APBA1: variants seen among roughly 807,000 people sequenced by gnomAD.
APBA1 encodes amyloid beta precursor protein binding family A member 1, also known as amyloid-beta A4 precursor protein-binding family A member 1.
Under a neutral mutation model 86.6 loss-of-function variants are expected in APBA1, and 55 were observed. The observed-to-expected ratio is 0.64, with a 90% CI of 0.51 to 0.80. APBA1 has a LOEUF of 0.80. APBA1 is among the 30% of genes least tolerant of loss of function. APBA1 has a pLI of 0.00. For synonymous variants in APBA1, 511 were observed against 493.9 expected (o/e 1.03, Z -0.46); for missense variants, 1,090 against 1,183.0 (o/e 0.92, Z 1.15).
In APBA1 at chr9:69,558,617, G is replaced by T. The variant is rs116107946; in HGVS notation, c.-69-41338C>A. On this transcript the variant is annotated intron_variant, in intron 1 of 12. Transcript: ENST00000265381. ...TGTATAACTTTTATTTTAGGTTCAG[G>T]GGTACATGTGCAGGTTTGTTATGCA... Among the ~76,000 whole-genome samples the T allele has an allele frequency of 4.4e-3, 661 of 151,068 alleles. 3 individuals carry two copies. The highest frequency in any genetic ancestry group is 0.015 in the African/African-American group (618 of 41,156).
intron 1 of APBA1, among the ~76,000 whole-genome samples, chr9:69,654,552 G>A (rs1398984252): frequency 3.3e-5 from 5 of 152,104 alleles, no homozygotes; most frequent in Admixed American, 3.3e-4. Flanking sequence ...TGAGATTGAA[G>A]CAGTAATAAA....
At chr9:69,532,880 A>G (rs1836454597) in intron 1 of APBA1, among the ~76,000 whole-genome samples, 1 of 152,226 alleles carries the variant, frequency 6.6e-6, no homozygotes, top group Non-Finnish European at 1.5e-5. Flanking sequence ...GAAAGTATCC[A>G]TCAAAATTAC....
intron 10 of APBA1, among the ~76,000 whole-genome samples, chr9:69,444,927 C>T (rs1834883516): frequency 6.6e-6 from 1 of 152,158 alleles, no homozygotes; most frequent in Non-Finnish European, 1.5e-5. Context: ...AGTCCCTTCA[C>T]CCTTTTCTCT....
At chr9:69,630,354 C>T (rs947536841) in intron 1 of APBA1, among the ~76,000 whole-genome samples, 38 of 152,064 alleles carry the variant, frequency 2.5e-4, no homozygotes, top group Non-Finnish European at 4.7e-4. Flanking sequence ...CTAATTGCTC[C>T]CCCTCTCTGC....
chr9:69,429,347 G>A lies in APBA1; in HGVS notation c.*1980C>T, dbSNP rs1347630740. ...CTTCCTGGTCCTCACGTTTGTGATG[G>A]GTTGACCTTGAGGCTGGTCTCCCAG... On this transcript the variant is annotated 3_prime_UTR_variant, in exon 13 of 13. Transcript: ENST00000265381. The A allele has an allele frequency of 6.6e-6, 1 of 152,256 alleles. No homozygotes were observed. The highest frequency in any genetic ancestry group is 1.5e-5 in the Non-Finnish European group (1 of 68,078). The allele number at this position is 152,256 out of a possible 1,614,324, so 9.4% of individuals were successfully genotyped here. A position where few individuals can be genotyped will look rare whatever the true frequency, so the allele number is the denominator to read the frequency against.
At chr9:69,432,180 CTAAGACT>C in intron 12 of APBA1, among the ~76,000 whole-genome samples, 1 of 152,306 alleles carries the variant, frequency 6.6e-6, no homozygotes, top group African/African-American at 2.4e-5. Flanking sequence ...CAACTTGAGT[CTAAGACT>C]TAAATCTTTT....
In APBA1 at chr9:69,517,612, C is replaced by T. The variant is rs575676943; in HGVS notation, c.-69-333G>A. On this transcript the variant is annotated intron_variant, in intron 1 of 12. Coordinates refer to ENST00000265381, the MANE Select transcript of APBA1 (RefSeq NM_001163.4). The stretch of plus-strand genomic sequence containing the variant: ...AAGAGTACTACTAAATTGAATGGGC[C>T]AACTGACACATTTTCCATCTGCTAA... 2.0e-5 allele frequency among the ~76,000 whole-genome samples: 3 copies of T among 152,298 alleles called. No homozygotes were observed. In the East Asian group the frequency reaches 5.8e-4, roughly 29 times the overall value.
intron 5 of APBA1, among the ~76,000 whole-genome samples, chr9:69,460,067 A>G (rs1342919006): frequency 1.3e-5 from 2 of 152,186 alleles, no homozygotes; most frequent in Admixed American, 6.6e-5. Context: ...CTGGTAGAAA[A>G]GCTCCTCTGC....
At chr9:69,515,673 C>T (rs1836124041) in intron 2 of APBA1, among the ~76,000 whole-genome samples, 1 of 128,436 alleles carries the variant, frequency 7.8e-6, no homozygotes, top group East Asian at 2.2e-4. Flanking sequence ...CCACTCCATA[C>T]TTTCTGAATC....
At chr9:69,594,041 G>A (rs1413274814) in intron 1 of APBA1, among the ~76,000 whole-genome samples, 3 of 152,116 alleles carry the variant, frequency 2.0e-5, no homozygotes, top group African/African-American at 7.2e-5. Context: ...CTTTATTTAT[G>A]CTGGGAACAA....
intron 1 of APBA1, among the ~76,000 whole-genome samples, chr9:69,550,031 T>C (rs1207628928): frequency 1.3e-5 from 2 of 152,218 alleles, no homozygotes; most frequent in Non-Finnish European, 2.9e-5. Flanking sequence ...ATGGGAATAA[T>C]ACCAGTTCCA....
intron 1 of APBA1, among the ~76,000 whole-genome samples, chr9:69,586,581 G>A (rs577758803): frequency 2.0e-5 from 3 of 152,280 alleles, no homozygotes; most frequent in Non-Finnish European, 2.9e-5. Context: ...TCTAGCCACA[G>A]TTTGGTGCTC....
intron 1 of APBA1, among the ~76,000 whole-genome samples, chr9:69,522,137 A>G (rs1001627524): frequency 2.0e-5 from 3 of 151,862 alleles, no homozygotes; most frequent in Non-Finnish European, 2.9e-5. Context: ...TATAAAATTT[A>G]TCATGGCTTC....
intron 8 of APBA1, among the ~76,000 whole-genome samples, chr9:69,452,537 G>T (rs538171532): frequency 6.6e-6 from 1 of 152,346 alleles, no homozygotes; most frequent in Admixed American, 6.5e-5. Flanking sequence ...CCGGCATTCA[G>T]CAGACAGGAG....
At chr9:69,636,544 A>G (rs990107333) in intron 1 of APBA1, among the ~76,000 whole-genome samples, 1 of 151,908 alleles carries the variant, frequency 6.6e-6, no homozygotes, top group South Asian at 2.1e-4. Context: ...TTCTGTAATC[A>G]CAGCACTTTG....
At chr9:69,642,064 G>C (rs1823298888) in intron 1 of APBA1, among the ~76,000 whole-genome samples, 2 of 152,110 alleles carry the variant, frequency 1.3e-5, no homozygotes, top group Admixed American at 1.3e-4. Context: ...CAGGCATGAA[G>C]ACTTCTTAAA....
chr9:69,537,568 T>G lies in APBA1; in HGVS notation c.-69-20289A>C, dbSNP rs1044250726. Among the ~76,000 whole-genome samples, 9 of 151,958 alleles carry G rather than the reference T, an allele frequency of 5.9e-5. 1 individual carries two copies. Among genetic ancestry groups the G allele is most frequent in the African/African-American group, 2.2e-4 (9 of 41,406 alleles). On this transcript the variant is annotated intron_variant, in intron 1 of 12. Transcript: ENST00000265381. ...TCTTCTGGAAAGGAGGGAAGGAGGG[T>G]CGGGGAGAGAAGTCAGGAATATTCT...
intron 2 of APBA1, among the ~76,000 whole-genome samples, chr9:69,504,734 C>T (rs970984304): frequency 6.6e-6 from 1 of 151,998 alleles, no homozygotes. Flanking sequence ...GGTCTCACTG[C>T]TTAGTGGGCC....
intron 1 of APBA1, among the ~76,000 whole-genome samples, chr9:69,653,011 A>G (rs1357260547): frequency 2.3e-5 from 2 of 86,132 alleles, no homozygotes; most frequent in Non-Finnish European, 3.1e-5. Flanking sequence ...AAACAAAAAC[A>G]AGCAAAAAAA....
Sources: allele counts gnomAD v4.1 joint callset (sites outside exome capture counted in the v4.1 genomes callset), GRCh38; gene constraint gnomAD v4.1.1; transcripts MANE v1.5; gene names NCBI Gene and HGNC (gene_info 2026-07-23, HGNC 2026-07-21).